FARS2: variants seen among roughly 807,000 people sequenced by gnomAD.
FARS2 encodes the protein phenylalanyl-tRNA synthetase 2, mitochondrial.
In FARS2, 40 loss-of-function variants were observed where a neutral mutation model predicts 46.4. The ratio of observed to expected loss-of-function variants is 0.86; its 90% CI spans 0.67 to 1.12. The LOEUF is 1.12. Among genes scored for constraint, FARS2 ranks in the 50% most tolerant of loss-of-function variants. The probability of loss-of-function intolerance (pLI) is 0.00; values close to 1 mark genes in which losing one functional copy is unlikely to be tolerated. For synonymous variants in FARS2, 234 were observed against 214.9 expected, an observed-to-expected ratio of 1.09 and a Z score of -0.78; for missense variants, 513 against 567.9, an observed-to-expected ratio of 0.90 and a Z score of 0.98.
At chr6:5,452,641 T>C (rs950933157) in intron 4 of FARS2, 4 of 152,168 alleles carry the variant, frequency 2.6e-5, no homozygotes, top group Non-Finnish European at 5.9e-5. Flanking sequence ...TTAGTAGATA[T>C]TTATTGAATG....
At chr6:5,533,552 C>T (rs150503207) in intron 4 of FARS2, among the ~76,000 whole-genome samples, 132 of 152,266 alleles carry the variant, frequency 8.7e-4, no homozygotes, top group African/African-American at 2.9e-3. Flanking sequence ...GGATCAGTGA[C>T]GAAAACCAGT....
At chr6:5,718,575 A>G (rs1759675674) in intron 6 of FARS2, among the ~76,000 whole-genome samples, 1 of 152,202 alleles carries the variant, frequency 6.6e-6, no homozygotes, top group Non-Finnish European at 1.5e-5. Flanking sequence ...CATTTGAAAT[A>G]TCAAATTTAA....
chr6:5,397,457 A>G (rs1055177366), intron 2 of FARS2, among the ~76,000 whole-genome samples: 4 of 152,180 alleles, frequency 2.6e-5, no homozygotes, highest in Non-Finnish European at 5.9e-5. Flanking sequence ...GGTGATTATA[A>G]TGTGTCAGTG....
At chr6:5,485,936 G>A (rs375341799) in intron 4 of FARS2, among the ~76,000 whole-genome samples, 4 of 152,260 alleles carry the variant, frequency 2.6e-5, no homozygotes, top group East Asian at 1.9e-4. Flanking sequence ...AACATTTCCC[G>A]CACTCAGGAA....
chr6:5,297,254 C>T (rs1474005363), intron 1 of FARS2, among the ~76,000 whole-genome samples: 2 of 152,170 alleles, frequency 1.3e-5, no homozygotes, highest in African/African-American at 4.8e-5. Flanking sequence ...TGACTGAGGG[C>T]CCCTGCCTCA....
chr6:5,596,479 G>A (rs954994529), intron 5 of FARS2, among the ~76,000 whole-genome samples: 3 of 152,156 alleles, frequency 2.0e-5, no homozygotes, highest in African/African-American at 4.8e-5. Context: ...CCTAAATTTG[G>A]TTTCCTGACT....
At chr6:5,594,794 C>T (rs998292393) in intron 5 of FARS2, among the ~76,000 whole-genome samples, 2 of 152,138 alleles carry the variant, frequency 1.3e-5, no homozygotes, top group African/African-American at 4.8e-5. Flanking sequence ...GCTGTGCTGG[C>T]ATCTCTGAGG....
chr6:5,729,172 G>T (rs890232147), intron 6 of FARS2, among the ~76,000 whole-genome samples: 2 of 152,214 alleles, frequency 1.3e-5, no homozygotes, highest in Non-Finnish European at 2.9e-5. Context: ...TCTTCCTGCT[G>T]CAGGAAAGAG....
At chr6:5,256,491 G>GAAAAAA (rs1161084364), upstream of FARS2, among the ~76,000 whole-genome samples, 4 of 43,878 alleles carry the variant, frequency 9.1e-5, no homozygotes, top group Admixed American at 3.4e-4. Context: ...ATTTCAACTG[G>GAAAAAA]AAAAAAAAAA....
rs187801874 is a variant in FARS2, at chr6:5,701,274, T to C, written c.1218-70017T>C. On this transcript the variant is annotated intron_variant, in intron 6 of 6. Transcript: ENST00000274680. ...CGTGTGCACATCTCTGCAAAGGCTGTTGGTCAAACACATGAAAAGCCGGTG... is the reference window on the plus strand; with the variant it reads ...CGTGTGCACATCTCTGCAAAGGCTGCTGGTCAAACACATGAAAAGCCGGTG... Among the ~76,000 whole-genome samples the C allele has an allele frequency of 5.9e-5, 9 of 152,356 alleles. No homozygotes were observed. The East Asian group carries it at 1.5e-3, about 26-fold the overall frequency.
intron 5 of FARS2, among the ~76,000 whole-genome samples, chr6:5,590,456 T>C (rs1773852595): frequency 6.6e-6 from 1 of 152,224 alleles, no homozygotes; most frequent in African/African-American, 2.4e-5. Context: ...CTACCAGCTG[T>C]ACCTTGGTGT....
At chr6:5,441,636 C>A (rs1763848832) in intron 4 of FARS2, among the ~76,000 whole-genome samples, 1 of 152,148 alleles carries the variant, frequency 6.6e-6, no homozygotes, top group African/African-American at 2.4e-5. Flanking sequence ...TTCCATAGTT[C>A]ATTCATCCAT....
At chr6:5,320,887 C>G (rs372365801) in intron 1 of FARS2, among the ~76,000 whole-genome samples, 1 of 152,146 alleles carries the variant, frequency 6.6e-6, no homozygotes, top group Non-Finnish European at 1.5e-5. Flanking sequence ...TGTGCCCTCA[C>G]GTGGTGGTTG....
At chr6:5,533,053 C>T (rs748081727) in intron 4 of FARS2, among the ~76,000 whole-genome samples, 1 of 151,974 alleles carries the variant, frequency 6.6e-6, no homozygotes, top group Non-Finnish European at 1.5e-5. Context: ...ATTTCCAGAG[C>T]TCAGTCATTG....
upstream of FARS2, chr6:5,260,748 A>C: frequency 1.3e-6 from 2 of 1,543,914 alleles, no homozygotes; most frequent in Non-Finnish European, 1.7e-6. Flanking sequence ...GAAAGAAAAA[A>C]AAATAAACGG....
chr6:5,405,762 G>A (rs1761552769), intron 3 of FARS2, among the ~76,000 whole-genome samples: 1 of 151,850 alleles, frequency 6.6e-6, no homozygotes, highest in African/African-American at 2.4e-5. Flanking sequence ...AAAGTGCTGG[G>A]ATTACAGGCG....
chr6:5,426,098 C>T (rs1202647974), intron 3 of FARS2, among the ~76,000 whole-genome samples: 1 of 151,788 alleles, frequency 6.6e-6, no homozygotes, highest in Admixed American at 6.6e-5. Flanking sequence ...TTGACAGTTG[C>T]TGTAATCTCA....
chr6:5,701,745 C>T (rs779927455), intron 6 of FARS2, among the ~76,000 whole-genome samples: 8 of 152,204 alleles, frequency 5.3e-5, no homozygotes, highest in African/African-American at 1.4e-4. Flanking sequence ...AACTTTATGT[C>T]GACTCTAAGA....
chr6:5,593,277 T>C (rs905151002), intron 5 of FARS2, among the ~76,000 whole-genome samples: 10 of 148,414 alleles, frequency 6.7e-5, no homozygotes, highest in African/African-American at 2.4e-4. Flanking sequence ...GGCTCCTCCA[T>C]GAAGGAACTG....
Sources: allele counts gnomAD v4.1 joint callset (sites outside exome capture counted in the v4.1 genomes callset), GRCh38; gene constraint gnomAD v4.1.1; transcripts MANE v1.5; gene names NCBI Gene and HGNC (gene_info 2026-07-23, HGNC 2026-07-21).